The following STON2 variants were observed in gnomAD, a reference collection of about 807,000 sequenced individuals.
STON2 encodes the protein stonin-2.
STON2 carries 29 observed loss-of-function variants against 65.7 expected under a neutral mutation model. That is an observed-to-expected ratio of 0.44 (90% CI 0.33 to 0.60). STON2 has a LOEUF of 0.60. Ranked by LOEUF, STON2 falls within the 20% of genes least tolerant of loss-of-function variation. STON2 has a pLI of 0.03. For synonymous variants in STON2, 404 were observed against 414.2 expected, an observed-to-expected ratio of 0.98 and a Z score of 0.30; for missense variants, 1,054 against 1,118.1, an observed-to-expected ratio of 0.94 and a Z score of 0.82.
intron 1 of STON2, among the ~76,000 whole-genome samples, chr14:81,430,441 A>G (rs964969010): frequency 1.3e-5 from 2 of 152,188 alleles, no homozygotes; most frequent in Admixed American, 1.3e-4. Context: ...GCCATTAGCA[A>G]TCTGCAAAGC....
At chr14:81,402,935 C>G (rs996430925), upstream of STON2, among the ~76,000 whole-genome samples, 2 of 152,194 alleles carry the variant, frequency 1.3e-5, no homozygotes, top group Admixed American at 6.5e-5. Flanking sequence ...GAGAAATGAA[C>G]AAAGGATTCC....
Position 81,266,593 on chromosome 14 carries a change from C to T in STON2, c.*1821G>A, listed in dbSNP as rs1235950176. ...TTAATGTCTCTCTTAAAATATGATACCCATAATTGAACTCAACCCTCCATT... is the reference window on the plus strand; with the variant it reads ...TTAATGTCTCTCTTAAAATATGATATCCATAATTGAACTCAACCCTCCATT... On this transcript the variant is annotated 3_prime_UTR_variant, in exon 8 of 8. Coordinates refer to ENST00000614646, the MANE Select transcript of STON2 (RefSeq NM_001394390.1). 1.3e-6 allele frequency: 1 copy of T among 787,914 alleles called. No homozygotes were observed. Among genetic ancestry groups the T allele is most frequent in the African/African-American group, 1.9e-5 (1 of 52,810 alleles). The allele number at this position is 787,914 out of a possible 1,614,324, so 48.8% of individuals were successfully genotyped here.
chr14:81,278,710 C>T lies in STON2; in HGVS notation c.772G>A (p.Glu258Lys). The change falls in exon 6 of 8, where the codon GAA becomes AAA. Residue 258 changes from glutamate to lysine, a missense_variant. Glu to Lys is a moderately conservative substitution (Grantham distance 56). Coordinates refer to ENST00000614646, the MANE Select transcript of STON2 (RefSeq NM_001394390.1). ...DNSSSLQEDEEVEMEAISWQA... is the reference protein window; with the variant it reads ...DNSSSLQEDEKVEMEAISWQA... Reference sequence around the variant, plus strand: ...CAGCTGATGGCCTCCATCTCTACTTCTTCATCTTCTTGAAGCGAGGAGGAA... The same window carrying T: ...CAGCTGATGGCCTCCATCTCTACTTTTTCATCTTCTTGAAGCGAGGAGGAA... 6.6e-7 allele frequency: 1 copy of T among 1,518,460 alleles called. No homozygotes were observed. Among genetic ancestry groups the T allele is most frequent in the Non-Finnish European group, 8.8e-7 (1 of 1,135,848 alleles). The allele number at this position is 1,518,460 out of a possible 1,614,324, so 94.1% of individuals were successfully genotyped here.
rs1410846842 is a variant in STON2 at position 81,396,161 on chromosome 14, G to A, written c.106C>T (p.Leu36Phe). The A allele has an allele frequency of 1.2e-6, 2 of 1,611,340 alleles. No homozygotes were observed. Among genetic ancestry groups the A allele is most frequent in the Non-Finnish European group, 1.7e-6 (2 of 1,178,650 alleles). ...TCTGGGGAAGATGACAGTCCTGGGA[G>A]GTGCTCTTCCGTGCCCCCTGAAACA... ...AHSQGGTEEH[L>F]PGLSSSPDQS... The change falls in exon 3 of 8, where the codon CTC (leucine) becomes TTC (phenylalanine). Residue 36 changes from leucine (L) to phenylalanine (F), a missense_variant. Transcript: ENST00000614646.
At chr14:81,279,339 T>C (rs1397980539) in intron 5 of STON2, among the ~76,000 whole-genome samples, 1 of 152,012 alleles carries the variant, frequency 6.6e-6, no homozygotes, top group South Asian at 2.1e-4. Context: ...AGACAACTCA[T>C]GAAAGAGAAA....
At position 81,413,338 on chromosome 14, in the gene STON2, G is replaced by A. The variant is rs190616166; in HGVS notation, c.-199+13764C>T. 1.6e-3 allele frequency: 1,565 copies of A among 962,558 alleles called. 124 individuals carry two copies. Among genetic ancestry groups the A allele is most frequent in the Middle Eastern group, 0.013 (36 of 2,820 alleles). The allele number at this position is 962,558 out of a possible 1,614,324, so 59.6% of individuals were successfully genotyped here. On this transcript the variant is annotated intron_variant, in intron 2 of 8. Transcript: ENST00000553821. ...ACTGAAATTTTCAGCCTTGCTAAGG[G>A]AACACCTCGATGTTCGAACCTTTAT...
At chr14:81,428,606 C>T (rs1902095148) in intron 1 of STON2, among the ~76,000 whole-genome samples, 1 of 152,108 alleles carries the variant, frequency 6.6e-6, no homozygotes, top group African/African-American at 2.4e-5. Flanking sequence ...ACCTGTAGTC[C>T]CAGCTACTGG....
intron 5 of STON2, among the ~76,000 whole-genome samples, chr14:81,313,389 G>C (rs993720036): frequency 6.6e-6 from 1 of 152,078 alleles, no homozygotes; most frequent in Non-Finnish European, 1.5e-5. Flanking sequence ...GTCGTTTAGT[G>C]AATGTTTACT....
intron 4 of STON2, among the ~76,000 whole-genome samples, chr14:81,359,917 A>G (rs951269908): frequency 4.6e-5 from 7 of 152,130 alleles, no homozygotes; most frequent in Non-Finnish European, 7.4e-5. Context: ...AAAAGTCCCA[A>G]TGGCTTTACT....
At chr14:81,405,151 T>A (rs1000785150), upstream of STON2, among the ~76,000 whole-genome samples, 3 of 152,194 alleles carry the variant, frequency 2.0e-5, no homozygotes, top group African/African-American at 7.2e-5. Context: ...AAAAACTAAG[T>A]CAGTATTTCT....
chr14:81,339,594 T>C (rs1484867680), intron 4 of STON2, among the ~76,000 whole-genome samples: 2 of 152,180 alleles, frequency 1.3e-5, no homozygotes, highest in African/African-American at 4.8e-5. Flanking sequence ...AAGAACAGCA[T>C]AGCCCCTGTT....
intron 1 of STON2, among the ~76,000 whole-genome samples, chr14:81,434,882 C>T (rs1194562437): frequency 6.6e-6 from 1 of 152,136 alleles, no homozygotes; most frequent in African/African-American, 2.4e-5. Flanking sequence ...AAAAAAAACA[C>T]CTAAAAGTAG....
rs192953540 is a variant in STON2, at chr14:81,285,041, C to T, written c.743-6302G>A. Among the ~76,000 whole-genome samples the T allele has an allele frequency of 5.9e-5, 9 of 152,322 alleles. No homozygotes were observed. In the East Asian group the frequency reaches 1.7e-3, roughly 29 times the overall value. On this transcript the variant is annotated intron_variant, in intron 5 of 7. Transcript: ENST00000614646. The stretch of plus-strand genomic sequence containing the variant: ...ATATTACTACGCACTGACAATGCAC[C>T]TGGCCACCCAAGAGCACTGATAGAG...
At chr14:81,404,609 T>G (rs1049752509), upstream of STON2, among the ~76,000 whole-genome samples, 3 of 152,124 alleles carry the variant, frequency 2.0e-5, no homozygotes, top group Admixed American at 2.0e-4. Flanking sequence ...GCCCATGTGA[T>G]CCTCCCACCT....
At chr14:81,318,464 C>A (rs1238525909) in intron 5 of STON2, among the ~76,000 whole-genome samples, 1 of 152,176 alleles carries the variant, frequency 6.6e-6, no homozygotes, top group Non-Finnish European at 1.5e-5. Context: ...ACACCCTTCT[C>A]CCACTGGGGA....
In STON2 at chr14:81,364,337, T is replaced by C. The variant is rs529961781; in HGVS notation, c.571+6651A>G. Among the ~76,000 whole-genome samples the C allele has an allele frequency of 7.2e-5, 11 of 152,308 alleles. No homozygotes were observed. The South Asian group carries it at 1.2e-3, about 17-fold the overall frequency. ...TGAGTCTGCTGAATCTAGAATTTTA[T>C]ATTTTTTAAAAAGGCCAAGAGGTTC... On this transcript the variant is annotated intron_variant, in intron 4 of 7. Transcript: ENST00000614646.
chr14:81,286,492 A>C (rs565778786), intron 5 of STON2, among the ~76,000 whole-genome samples: 1 of 152,358 alleles, frequency 6.6e-6, no homozygotes, highest in South Asian at 2.1e-4. Flanking sequence ...TTAGTAATAA[A>C]GTGGTTTTAA....
chr14:81,407,015 C>A (rs1227065273), intron 2 of STON2, among the ~76,000 whole-genome samples: 1 of 152,220 alleles, frequency 6.6e-6, no homozygotes, highest in Non-Finnish European at 1.5e-5. Context: ...TAGACTCCAG[C>A]TGACCACACT....
At chr14:81,431,886 G>A (rs58535387) in intron 1 of STON2, among the ~76,000 whole-genome samples, 9,636 of 151,954 alleles carry the variant, frequency 0.063, 503 homozygotes, top group African/African-American at 0.14. Flanking sequence ...TAGAGGTTGC[G>A]GCAAGCTTAG....
Sources: allele counts gnomAD v4.1 joint callset (sites outside exome capture counted in the v4.1 genomes callset), GRCh38; gene constraint gnomAD v4.1.1; transcripts MANE v1.5; gene names NCBI Gene and HGNC (gene_info 2026-07-23, HGNC 2026-07-21).